PCDHGB6: variants seen among roughly 807,000 people sequenced by gnomAD.
PCDHGB6 encodes the protein protocadherin gamma subfamily B, 6.
Under a neutral mutation model 59.1 loss-of-function variants are expected in PCDHGB6, and 51 were observed. That is an observed-to-expected ratio of 0.86 (90% CI 0.69 to 1.09). PCDHGB6 has a LOEUF of 1.09. PCDHGB6 is among the 50% of genes least tolerant of loss of function. The pLI, the probability that PCDHGB6 is intolerant of heterozygous loss-of-function variation, is 0.00. For missense variants in PCDHGB6, 1,148 were observed against 1,205.1 expected (o/e 0.95, Z 0.70); for synonymous variants, 466 against 495.1 (o/e 0.94, Z 0.78).
chr5:141,497,211 G>T (rs914346878), intron 2 of PCDHGB6, among the ~76,000 whole-genome samples: 12 of 28,538 alleles, frequency 4.2e-4, no homozygotes, highest in African/African-American at 1.1e-3. Context: ...GAGTGTAATG[G>T]GGGGGGGAAG....
At position 141,426,367 on chromosome 5, in the gene PCDHGB6, G is replaced by A. The variant is rs557191606; in HGVS notation, c.2418+15747G>A. The A allele has an allele frequency of 8.2e-4, 168 of 204,486 alleles. 3 individuals are homozygous for A. The South Asian group carries it at 0.014, about 17-fold the overall frequency. 12.7% of individuals were successfully genotyped at this position (204,486 alleles called of 1,614,324 possible). ...TTTCCTGCTGCCTTTGTTCTGCGGG[G>A]CACCCTCGGAGCAGATCCGCTACTC... is the stretch of plus-strand genomic sequence containing the variant. On this transcript the variant is annotated intron_variant, in intron 1 of 3. Transcript: ENST00000520790.
chr5:141,451,682 G>GA (rs1401536376), intron 1 of PCDHGB6, among the ~76,000 whole-genome samples: 1 of 152,128 alleles, frequency 6.6e-6, no homozygotes, highest in Non-Finnish European at 1.5e-5. Flanking sequence ...AGGAGTTCAA[G>GA]ACCAGCCTGG....
Position 141,476,889 on chromosome 5 carries a change from C to T in PCDHGB6, c.2419-17918C>T. ...CGGGCGCGCGTCCTGGAGGATGCAC[C>T]CTCCGGCACGCGCGTGGTACAAGTC... is the stretch of plus-strand genomic sequence containing the variant. On this transcript the variant is annotated intron_variant, in intron 1 of 3. Transcript: ENST00000520790. This position sits in a 1 kb window ranked among gnomAD's most constrained non-coding sequence, Gnocchi z 7.6. 6.2e-7 allele frequency: 1 copy of T among 1,613,960 alleles called. No individual in the cohort carries two copies. The highest frequency in any genetic ancestry group is 8.5e-7 in the Non-Finnish European group (1 of 1,180,034).
intron 1 of PCDHGB6, among the ~76,000 whole-genome samples, chr5:141,481,161 A>G (rs2099532805): frequency 6.6e-6 from 1 of 152,230 alleles, no homozygotes; most frequent in African/African-American, 2.4e-5. Flanking sequence ...GTATTTGCAG[A>G]ACCAGAATCC....
At chr5:141,467,360 C>T (rs965838962) in intron 1 of PCDHGB6, among the ~76,000 whole-genome samples, 3 of 152,010 alleles carry the variant, frequency 2.0e-5, no homozygotes, top group Non-Finnish European at 4.4e-5. Context: ...GCCAAATCAA[C>T]GTTTTCTTAT....
At position 141,486,047 on chromosome 5, in the gene PCDHGB6, C is replaced by G. The variant is rs763394605; in HGVS notation, c.2419-8760C>G. The G allele has an allele frequency of 3.1e-6, 5 of 1,614,172 alleles. No homozygotes were observed. The East Asian group carries it at 6.7e-5, about 22-fold the overall frequency. On this transcript the variant is annotated intron_variant, in intron 1 of 3. Transcript: ENST00000520790. This position sits in a 1 kb window ranked among gnomAD's most constrained non-coding sequence, Gnocchi z 5.0. ...TCATACCCCTGATCGTGTAAGAAAC[C>G]TCTTTAGCCTGCACCCCACTACTGG...
chr5:141,507,691 A>G (rs777728143), intron 3 of PCDHGB6, among the ~76,000 whole-genome samples: 72 of 152,198 alleles, frequency 4.7e-4, no homozygotes, highest in Non-Finnish European at 6.8e-4. Context: ...CAGAAATGAA[A>G]TCAGTATTTA....
At chr5:141,468,841 G>C (rs1189145481) in intron 1 of PCDHGB6, among the ~76,000 whole-genome samples, 3 of 152,014 alleles carry the variant, frequency 2.0e-5, no homozygotes, top group Non-Finnish European at 4.4e-5. Flanking sequence ...ACTCCAGCCT[G>C]GGCAACAGAG....
chr5:141,477,749 C>A lies in PCDHGB6; in HGVS notation c.2419-17058C>A, dbSNP rs2099417192. The A allele has an allele frequency of 6.2e-7, 1 of 1,613,786 alleles. No homozygotes were observed. Among genetic ancestry groups the A allele is most frequent in the African/African-American group, 1.3e-5 (1 of 74,928 alleles). ...AGCTCATATCAGCGATGGGGGCACCCCGGTCCTAGCCACCAACATCAGCGT... is the reference window on the plus strand; with the variant it reads ...AGCTCATATCAGCGATGGGGGCACCACGGTCCTAGCCACCAACATCAGCGT... On this transcript the variant is annotated intron_variant, in intron 1 of 3. Coordinates refer to ENST00000520790, the MANE Select transcript of PCDHGB6 (RefSeq NM_018926.3). This position sits in a 1 kb window ranked among gnomAD's most constrained non-coding sequence, Gnocchi z 4.9.
rs778372966 is a variant in PCDHGB6, at chr5:141,477,105, A to G, written c.2419-17702A>G. The G allele has an allele frequency of 7.4e-6, 12 of 1,614,106 alleles. No individual in the cohort carries two copies. The highest frequency in any genetic ancestry group is 4.0e-5 in the African/African-American group (3 of 74,934). On this transcript the variant is annotated intron_variant, in intron 1 of 3. Transcript: ENST00000520790. This position sits in a 1 kb window ranked among gnomAD's most constrained non-coding sequence, Gnocchi z 4.9. ...ATCCAGGCCAAAGACAAGGGCGCCA[A>G]TCCCGAAGGAGCACATTGCAAAGTG...
At chr5:141,414,681 G>T (rs780836649) in intron 1 of PCDHGB6, 2 of 1,613,836 alleles carry the variant, frequency 1.2e-6, no homozygotes, top group Non-Finnish European at 8.5e-7. Flanking sequence ...CCATCCAGGG[G>T]GTACCTCTGT....
chr5:141,505,277 G>A, intron 2 of PCDHGB6, 116 bp from the exon 3 acceptor site: 1 of 1,539,958 alleles, frequency 6.5e-7, no homozygotes, highest in African/African-American at 1.4e-5. Context: ...AGAGAAACAG[G>A]TCTTGGGCAT....
chr5:141,415,745 T>C, intron 1 of PCDHGB6: 1 of 517,922 alleles, frequency 1.9e-6, no homozygotes, highest in Non-Finnish European at 2.4e-6. Context: ...TTAAGGTTTT[T>C]TTTTTTTTTT....
rs990493129 is a variant in PCDHGB6 at position 141,449,560 on chromosome 5, G to C, written c.2418+38940G>C. On this transcript the variant is annotated intron_variant, in intron 1 of 3. Coordinates refer to ENST00000520790, the MANE Select transcript of PCDHGB6 (RefSeq NM_018926.3). ...GCCGAGATCGCACCACTGCACTCCA[G>C]CCTGGGCGACAGAGCAAGACTCTGT... Among the ~76,000 whole-genome samples, 4 of 145,056 alleles carry C rather than the reference G, an allele frequency of 2.8e-5. No homozygotes were observed. The Admixed American group carries it at 2.8e-4, about 10-fold the overall frequency.
chr5:141,428,063 C>T lies in PCDHGB6; in HGVS notation c.2418+17443C>T, dbSNP rs777477669. 12 of 1,609,054 alleles carry T rather than the reference C, an allele frequency of 7.5e-6. No individual in the cohort carries two copies. In the African/African-American group the frequency reaches 1.3e-4, roughly 18 times the overall value. ...TGGTGACCAAGGTGGTGGCGGTGGA[C>T]GCAGATTCGGGACACAACGCTTGGC... On this transcript the variant is annotated intron_variant, in intron 1 of 3. Coordinates refer to ENST00000520790, the MANE Select transcript of PCDHGB6 (RefSeq NM_018926.3).
rs542548063 is a variant in PCDHGB6, at chr5:141,412,999, C to T, written c.2418+2379C>T. On this transcript the variant is annotated intron_variant, in intron 1 of 3. Coordinates refer to ENST00000520790, the MANE Select transcript of PCDHGB6 (RefSeq NM_018926.3). Reference sequence around the variant, plus strand: ...GCAGCCAGAGCTCAATCCGGATTCTCAGGGCTTCAACTACACAAGCCCCAC... The same window carrying T: ...GCAGCCAGAGCTCAATCCGGATTCTTAGGGCTTCAACTACACAAGCCCCAC... 150 of 588,234 alleles carry T rather than the reference C, an allele frequency of 2.6e-4. 1 individual carries two copies. In the South Asian group the frequency reaches 3.6e-3, roughly 14 times the overall value. 36.4% of individuals were successfully genotyped at this position (588,234 alleles called of 1,614,324 possible). A position where few individuals can be genotyped will look rare whatever the true frequency, so the allele number is the denominator to read the frequency against.
intron 1 of PCDHGB6, chr5:141,413,755 A>G: frequency 1.2e-6 from 2 of 1,612,936 alleles, no homozygotes; most frequent in Non-Finnish European, 1.7e-6. Context: ...CAATGGCGTC[A>G]AGTACCCGGA....
chr5:141,441,843 G>T, intron 1 of PCDHGB6: 1 of 356,176 alleles, frequency 2.8e-6, no homozygotes. Context: ...TCGCGCTCTT[G>T]GATATGGTGC....
intron 1 of PCDHGB6, among the ~76,000 whole-genome samples, chr5:141,438,591 CATATATATATATATATATAT>C (rs946798767): frequency 2.1e-4 from 16 of 75,572 alleles, no homozygotes; most frequent in Middle Eastern, 0.016. Context: ...TACATACATA[CATATATATATATATATATAT>C]ATATATATAT....
Sources: gnomAD v4.1 joint callset for allele counts (sites outside exome capture counted in the v4.1 genomes callset) on GRCh38, gnomAD v4.1.1 for gene constraint, Gnocchi (gnomAD v3.1) non-coding constraint, MANE v1.5 for transcripts, NCBI Gene and HGNC (gene_info 2026-07-23, HGNC 2026-07-21) for gene names.